EXOC6B: variants seen among roughly 807,000 people sequenced by gnomAD.
The protein encoded by EXOC6B is SEC15 homolog B.
Under a neutral mutation model 113.5 loss-of-function variants are expected in EXOC6B, and 54 were observed. That is an observed-to-expected ratio of 0.48 (90% CI 0.38 to 0.60). The LOEUF (loss-of-function observed/expected upper bound fraction) is 0.60, where lower values mean the gene tolerates loss of function less well. EXOC6B is among the 20% of genes least tolerant of loss of function. The probability of loss-of-function intolerance (pLI) is 0.00; values close to 1 mark genes in which losing one functional copy is unlikely to be tolerated. For missense variants in EXOC6B, 797 were observed against 977.5 expected (o/e 0.82, Z 2.46); for synonymous variants, 357 against 339.0 (o/e 1.05, Z -0.58).
intron 18 of EXOC6B, among the ~76,000 whole-genome samples, chr2:72,460,953 C>T (rs866985069): frequency 6.6e-6 from 1 of 151,158 alleles, no homozygotes; most frequent in African/African-American, 2.4e-5. Context: ...GACTTGGAAC[C>T]AACCCAAATG....
At chr2:72,313,892 G>T (rs1180165504) in intron 20 of EXOC6B, among the ~76,000 whole-genome samples, 1 of 152,150 alleles carries the variant, frequency 6.6e-6, no homozygotes, top group African/African-American at 2.4e-5. Context: ...TCCCTGTCCA[G>T]GCAATGTGCT....
At chr2:72,563,878 G>T (rs1396449550) in intron 7 of EXOC6B, among the ~76,000 whole-genome samples, 1 of 151,988 alleles carries the variant, frequency 6.6e-6, no homozygotes, top group Admixed American at 6.6e-5. Context: ...AGGATATTTT[G>T]ATTTTTAAAA....
At chr2:72,642,167 T>C (rs2104349075) in intron 6 of EXOC6B, among the ~76,000 whole-genome samples, 1 of 151,876 alleles carries the variant, frequency 6.6e-6, no homozygotes, top group Admixed American at 6.6e-5. Context: ...AGAATCAATA[T>C]CGTGAAAATG....
At chr2:72,265,276 A>AT (rs1683998378) in intron 20 of EXOC6B, among the ~76,000 whole-genome samples, 1 of 133,946 alleles carries the variant, frequency 7.5e-6, no homozygotes, top group Non-Finnish European at 1.6e-5. Context: ...ATTATACTTT[A>AT]AGTTTGAGGG....
intron 6 of EXOC6B, among the ~76,000 whole-genome samples, chr2:72,602,445 CAT>C (rs1166610512): frequency 6.6e-6 from 1 of 152,120 alleles, no homozygotes; most frequent in Non-Finnish European, 1.5e-5. Context: ...ATGGTTAAGA[CAT>C]AATATTCTCT....
At chr2:72,500,139 C>T (rs1700243154) in intron 11 of EXOC6B, among the ~76,000 whole-genome samples, 167 bp from the exon 12 acceptor site, 1 of 152,208 alleles carries the variant, frequency 6.6e-6, no homozygotes, top group Non-Finnish European at 1.5e-5. Flanking sequence ...ACACCAGGTT[C>T]AGCCAGGGAA....
intron 18 of EXOC6B, among the ~76,000 whole-genome samples, chr2:72,380,564 C>T (rs1207046030): frequency 6.6e-6 from 1 of 151,630 alleles, no homozygotes; most frequent in Non-Finnish European, 1.5e-5. Flanking sequence ...GGCATAAACC[C>T]GGGAGGCAGA....
At chr2:72,620,520 T>G (rs1167145919) in intron 6 of EXOC6B, among the ~76,000 whole-genome samples, 1 of 151,188 alleles carries the variant, frequency 6.6e-6, no homozygotes, top group Non-Finnish European at 1.5e-5. Flanking sequence ...AATTTTAAAT[T>G]TAAATTTAAA....
chr2:72,747,412 A>T (rs1339839575), intron 1 of EXOC6B, among the ~76,000 whole-genome samples: 1 of 152,012 alleles, frequency 6.6e-6, no homozygotes, highest in Non-Finnish European at 1.5e-5. Context: ...ATGTTTGAGG[A>T]TGCAGTAACC....
chr2:72,449,131 C>G (rs755716479), intron 18 of EXOC6B, among the ~76,000 whole-genome samples: 1 of 152,158 alleles, frequency 6.6e-6, no homozygotes, highest in Non-Finnish European at 1.5e-5. Flanking sequence ...TTTAAGCACT[C>G]TACTTTTGAA....
At chr2:72,366,514 G>C (rs1690638132) in intron 19 of EXOC6B, among the ~76,000 whole-genome samples, 1 of 152,006 alleles carries the variant, frequency 6.6e-6, no homozygotes, top group East Asian at 1.9e-4. Flanking sequence ...AGGAGAGATA[G>C]AAAAGATATT....
chr2:72,804,642 C>T (rs997766736), intron 1 of EXOC6B, among the ~76,000 whole-genome samples: 1 of 151,844 alleles, frequency 6.6e-6, no homozygotes, highest in Admixed American at 6.6e-5. Flanking sequence ...GTCACCCAGG[C>T]TGGAGTACAA....
chr2:72,508,184 A>AAAAAAAAACC (rs923877882), intron 11 of EXOC6B, among the ~76,000 whole-genome samples: 1 of 89,114 alleles, frequency 1.1e-5, no homozygotes, highest in African/African-American at 6.7e-5. Context: ...AAAAAAAAAA[A>AAAAAAAAACC]ACACCTAAAA....
At position 72,498,589 on chromosome 2, in the gene EXOC6B, AAGG is replaced by A. The variant is rs776169277; in HGVS notation, c.1240-41_1240-39del. 4.3e-5 allele frequency: 63 copies of A among 1,448,472 alleles called. 1 individual carries two copies. In the African/African-American group the frequency reaches 8.4e-4, roughly 19 times the overall value. The allele number at this position is 1,448,472 out of a possible 1,614,324, so 89.7% of individuals were successfully genotyped here. A position where few individuals can be genotyped will look rare whatever the true frequency, so the allele number is the denominator to read the frequency against. The stretch of plus-strand genomic sequence containing the variant: ...AAGAAAATCACTTCAGTGTCTAAGG[AAGG>A]AGTTTTTTTTTCGGTTTTTTTTTTT... On this transcript the variant is annotated intron_variant, in intron 12 of 21. Coordinates refer to ENST00000272427, the MANE Select transcript of EXOC6B (RefSeq NM_015189.3).
intron 6 of EXOC6B, among the ~76,000 whole-genome samples, chr2:72,694,515 A>C (rs1271412405): frequency 6.6e-6 from 1 of 152,240 alleles, no homozygotes; most frequent in East Asian, 1.9e-4. Flanking sequence ...CTAGTTTCAG[A>C]AGATAGATAA....
Position 72,559,513 on chromosome 2 carries a change from C to T in EXOC6B, c.855G>A (p.Gly285=), listed in dbSNP as rs747048438. The T allele has an allele frequency of 6.2e-7, 1 of 1,612,106 alleles. No homozygotes were observed. Among genetic ancestry groups the T allele is most frequent in the East Asian group, 2.2e-5 (1 of 44,774 alleles). ...GAGAGAAATCCACCAAATCTTGGGC[C>T]CCAGGTACCTGCAAACACAAGATTA... The part of the protein sequence containing the change: ...EDEEDDEEVP[G]AQDLVDFSPV... The change falls in exon 8 of 22, where the codon GGG becomes GGA. Residue 285 remains glycine (G), a synonymous_variant. Transcript: ENST00000272427.
In EXOC6B at chr2:72,715,352, T is replaced by C. The variant is rs140593597; in HGVS notation, c.669+2751A>G. 7.1e-4 allele frequency among the ~76,000 whole-genome samples: 108 copies of C among 151,342 alleles called. 1 individual carries two copies. In the East Asian group the frequency reaches 0.015, roughly 21 times the overall value. ...AATTGCAGATATAGATATATAGATA[T>C]AAAGAGAGAAAGAGAAGTATGCCTC... is the stretch of plus-strand genomic sequence containing the variant. On this transcript the variant is annotated intron_variant, in intron 6 of 21. Transcript: ENST00000272427.
Position 72,794,201 on chromosome 2 carries a change from T to G in EXOC6B, c.113+31597A>C, listed in dbSNP as rs537689450. On this transcript the variant is annotated intron_variant, in intron 1 of 21. Coordinates refer to ENST00000272427, the MANE Select transcript of EXOC6B (RefSeq NM_015189.3). ...AACACAGATAATCTGCCAGTTGGCTTGATGTGGAGCTCTTTTTCGAAACCA... is the reference window on the plus strand; with the variant it reads ...AACACAGATAATCTGCCAGTTGGCTGGATGTGGAGCTCTTTTTCGAAACCA... 9.8e-5 allele frequency among the ~76,000 whole-genome samples: 15 copies of G among 152,352 alleles called. No homozygotes were observed. In the South Asian group the frequency reaches 2.9e-3, roughly 29 times the overall value.
chr2:72,599,349 C>T (rs1670264428), intron 6 of EXOC6B, among the ~76,000 whole-genome samples: 1 of 152,000 alleles, frequency 6.6e-6, no homozygotes, highest in South Asian at 2.1e-4. Context: ...CAAAAACCAA[C>T]ACCATTCATC....
Sources: allele counts gnomAD v4.1 joint callset (sites outside exome capture counted in the v4.1 genomes callset), GRCh38; gene constraint gnomAD v4.1.1; transcripts MANE v1.5; gene names NCBI Gene and HGNC (gene_info 2026-07-23, HGNC 2026-07-21).